Variants in ZBTB11 observed in about 807,000 individuals in gnomAD.
ZBTB11 encodes zinc finger and BTB domain-containing protein 11.
A neutral mutation model predicts 113.1 loss-of-function variants in ZBTB11; 68 were observed. The ratio of observed to expected loss-of-function variants is 0.60; its 90% confidence interval spans 0.49 to 0.74. The LOEUF (loss-of-function observed/expected upper bound fraction) is 0.74, where lower values mean the gene tolerates loss of function less well. Among genes scored for constraint, ZBTB11 ranks in the 30% least tolerant of loss-of-function variants. ZBTB11 has a pLI of 0.00. For synonymous variants in ZBTB11, 518 were observed against 452.6 expected (o/e 1.14, Z -1.83); for missense variants, 1,104 against 1,279.4 (o/e 0.86, Z 2.09).
At chr3:101,670,827 T>C (rs921666974) in intron 3 of ZBTB11, 2 of 283,480 alleles carry the variant, frequency 7.1e-6, no homozygotes, top group African/African-American at 4.3e-5. Context: ...ACATATTCAT[T>C]TAATGTAATA....
In ZBTB11 at chr3:101,676,374, C is replaced by T. The variant is rs564574987; in HGVS notation, c.310+231G>A. ...CGGCTGGCCCGGCCTCCGGGGAAGC[C>T]CCCTTGGTCCCACCCAGGGCCAGGG... On this transcript the variant is annotated intron_variant, in intron 1 of 10. Coordinates refer to ENST00000312938, the MANE Select transcript of ZBTB11 (RefSeq NM_014415.4). 6.5e-4 allele frequency: 270 copies of T among 415,474 alleles called. 3 individuals are homozygous for T. The South Asian group carries it at 0.025, about 38-fold the overall frequency. 25.7% of individuals were successfully genotyped at this position (415,474 alleles called of 1,614,324 possible).
rs150207556 is a variant in ZBTB11, at chr3:101,651,308, G to A, written c.3020C>T (p.Ser1007Leu). Reference protein sequence around the residue: ...EAVAATEEYPSVSTLSDQSIM... With the variant: ...EAVAATEEYPLVSTLSDQSIM... The stretch of plus-strand genomic sequence containing the variant: ...ACTTTGGTCAGAAAGTGTAGATACC[G>A]ATGGATACTCTTCAGTAGCTGCAAC... The change falls in exon 11 of 11, where the codon TCG (serine) becomes TTG (leucine). Residue 1007 changes from serine to leucine, a missense_variant. By Grantham distance (145) the Ser-to-Leu change is moderately radical. Coordinates refer to ENST00000312938, the MANE Select transcript of ZBTB11 (RefSeq NM_014415.4). The A allele has an allele frequency of 6.8e-6, 11 of 1,614,000 alleles. No homozygotes were observed. In the South Asian group the frequency reaches 8.8e-5, roughly 13 times the overall value.
rs968854796 is a variant in ZBTB11 at position 101,665,387 on chromosome 3, T to G, written c.1200A>C (p.Gly400=). 6.2e-7 allele frequency: 1 copy of G among 1,614,202 alleles called. No homozygotes were observed. Residue 400 remains glycine, a synonymous_variant, in exon 4 of 11, where the codon GGA becomes GGC. Coordinates refer to ENST00000312938, the MANE Select transcript of ZBTB11 (RefSeq NM_014415.4). ...SEAESALSSV[G]CIADSHPEME... ...TTTCAGGATGGGAATCAGCTATACA[T>G]CCTACTGATGACAGGGCAGATTCAG...
At chr3:101,664,421 G>C in intron 5 of ZBTB11, 117 bp downstream of exon 5, 1 of 990,164 alleles carries the variant, frequency 1.0e-6, no homozygotes, top group Non-Finnish European at 1.4e-6. Flanking sequence ...TAAATAAGAA[G>C]ATGACTCTTA....
intron 5 of ZBTB11, among the ~76,000 whole-genome samples, chr3:101,664,142 T>C (rs1384148565): frequency 6.6e-6 from 1 of 152,210 alleles, no homozygotes; most frequent in East Asian, 1.9e-4. Context: ...TGAGACATTT[T>C]GGTGGTTCTA....
rs1009906532 is a variant in ZBTB11, at chr3:101,677,079, G to A, written c.-165C>T. Reference sequence around the variant, plus strand: ...CTTAGTCCGAAGGAAAAGCGGGCGAGTTGGTAACCAGGGGGAACTGCACTT... The same window carrying A: ...CTTAGTCCGAAGGAAAAGCGGGCGAATTGGTAACCAGGGGGAACTGCACTT... On this transcript the variant is annotated 5_prime_UTR_variant, in exon 1 of 11. Transcript: ENST00000312938. 3 of 766,030 alleles carry A rather than the reference G, an allele frequency of 3.9e-6. No individual in the cohort carries two copies. The highest frequency in any genetic ancestry group is 5.9e-6 in the Non-Finnish European group (3 of 508,174). The allele number at this position is 766,030 out of a possible 1,614,324, so 47.5% of individuals were successfully genotyped here.
rs767249685 is a variant in ZBTB11, at chr3:101,676,887, T to C, written c.28A>G (p.Ile10Val). ...CGCTCGTTCGTCAGGTAACGCAGGA[T>C]GGCCCGGTAGCTTTCCTCGCTTGAC... MSSEESYRA[I>V]LRYLTNEREP... The change falls in exon 1 of 11, where the codon ATC becomes GTC. Residue 10 changes from isoleucine (I) to valine (V), a missense_variant. Physicochemically the swap from Ile to Val is conservative, Grantham distance 29. This residue lies in a region of ZBTB11 where 245 missense variants were observed against 272.5 expected (regional missense o/e 0.90). Coordinates refer to ENST00000312938, the MANE Select transcript of ZBTB11 (RefSeq NM_014415.4). The C allele has an allele frequency of 1.9e-6, 3 of 1,596,472 alleles. No individual in the cohort carries two copies. Among genetic ancestry groups the C allele is most frequent in the Non-Finnish European group, 2.6e-6 (3 of 1,169,356 alleles).
chr3:101,654,413 G>A (rs554079310), intron 8 of ZBTB11, among the ~76,000 whole-genome samples: 3 of 152,142 alleles, frequency 2.0e-5, no homozygotes, highest in Admixed American at 1.3e-4. Flanking sequence ...TCTGGAAAAT[G>A]AAGAAGAGGG....
chr3:101,669,308 G>A (rs1937047917), intron 3 of ZBTB11, among the ~76,000 whole-genome samples: 1 of 152,232 alleles, frequency 6.6e-6, no homozygotes, highest in Admixed American at 6.5e-5. Flanking sequence ...TTACTGGCGT[G>A]AGCCACTGTG....
chr3:101,655,111 T>A lies in ZBTB11; in HGVS notation c.2192-290A>T, dbSNP rs183395768. On this transcript the variant is annotated intron_variant, in intron 7 of 10. Coordinates refer to ENST00000312938, the MANE Select transcript of ZBTB11 (RefSeq NM_014415.4). Reference sequence around the variant, plus strand: ...CAGGAGCGTCTCGATGTCATGACCTTGTGATCTACCCGCCTTGGCCTCTCA... The same window carrying A: ...CAGGAGCGTCTCGATGTCATGACCTAGTGATCTACCCGCCTTGGCCTCTCA... 8.9e-4 allele frequency among the ~76,000 whole-genome samples: 136 copies of A among 152,186 alleles called. 1 individual carries two copies. Among genetic ancestry groups the A allele is most frequent in the African/African-American group, 2.9e-3 (120 of 41,510 alleles).
intron 1 of ZBTB11, 94 bp downstream of exon 1, chr3:101,676,511 C>T (rs1937176662): frequency 9.1e-6 from 12 of 1,311,666 alleles, no homozygotes; most frequent in African/African-American, 3.1e-5. Context: ...GCGTCCGAGA[C>T]CCTCCGACTC....
At chr3:101,655,931 G>T (rs1265794502) in intron 7 of ZBTB11, 173 bp downstream of exon 7, 1 of 379,002 alleles carries the variant, frequency 2.6e-6, no homozygotes, top group African/African-American at 2.1e-5. Context: ...AAGTGCTGGG[G>T]ATTACAGGCG....
At chr3:101,663,303 C>T (rs7633334) in intron 5 of ZBTB11, among the ~76,000 whole-genome samples, 50,089 of 151,934 alleles carry the variant, frequency 0.33, 8,798 homozygotes, top group Middle Eastern at 0.48. Flanking sequence ...AAATCTTGAG[C>T]TCAAGCAATC....
intron 3 of ZBTB11, chr3:101,670,518 T>C (rs554718079): frequency 7.9e-5 from 12 of 152,354 alleles, no homozygotes; most frequent in Non-Finnish European, 1.5e-4. Context: ...AATTTGATTA[T>C]TGAACTTAAT....
At position 101,665,140 on chromosome 3, in the gene ZBTB11, C is replaced by G; in HGVS notation, c.1447G>C (p.Asp483His). The stretch of plus-strand genomic sequence containing the variant: ...GTTGATGCAACTAGATTTTCCTGAT[C>G]TTTTAAAGGTTGGTCAACTTTCTGC... The part of the protein sequence containing the change: ...HRQKVDQPLK[D>H]QENLVASTAK... Residue 483 changes from aspartate (D) to histidine (H), a missense_variant, in exon 4 of 11, where the codon GAT (aspartate) becomes CAT (histidine). This residue lies in a region of ZBTB11 where 535 missense variants were observed against 518.6 expected (regional missense o/e 1.03). Coordinates refer to ENST00000312938, the MANE Select transcript of ZBTB11 (RefSeq NM_014415.4). 1 of 1,614,166 alleles carries G rather than the reference C, an allele frequency of 6.2e-7. No individual in the cohort carries two copies. The highest frequency in any genetic ancestry group is 8.5e-7 in the Non-Finnish European group (1 of 1,180,028).
At chr3:101,675,404 T>A (rs1048496876) in intron 1 of ZBTB11, among the ~76,000 whole-genome samples, 1 of 152,276 alleles carries the variant, frequency 6.6e-6, no homozygotes, top group African/African-American at 2.4e-5. Context: ...AACTTGATGA[T>A]GTTTATAAAC....
rs749378109 is a variant in ZBTB11 at position 101,664,734 on chromosome 3, A to T, written c.1624-20T>A. On this transcript the variant is annotated intron_variant, in intron 4 of 10. Coordinates refer to ENST00000312938, the MANE Select transcript of ZBTB11 (RefSeq NM_014415.4). ...AGCCACCTAGTAAGGGATAGAAATC[A>T]CAATCTAAGTAAATCTACTCAATTT... is the stretch of plus-strand genomic sequence containing the variant. 6.4e-7 allele frequency: 1 copy of T among 1,568,074 alleles called. No individual in the cohort carries two copies. Among genetic ancestry groups the T allele is most frequent in the East Asian group, 2.2e-5 (1 of 44,520 alleles).
chr3:101,650,932 T>C lies in ZBTB11; in HGVS notation c.*234A>G. 1 of 354,396 alleles carries C rather than the reference T, an allele frequency of 2.8e-6. No individual in the cohort carries two copies. The highest frequency in any genetic ancestry group is 5.1e-6 in the Non-Finnish European group (1 of 196,688). The allele number at this position is 354,396 out of a possible 1,614,324, so 22.0% of individuals were successfully genotyped here. On this transcript the variant is annotated 3_prime_UTR_variant, in exon 11 of 11. Coordinates refer to ENST00000312938, the MANE Select transcript of ZBTB11 (RefSeq NM_014415.4). ...AAACCACTGCCATCAAATATTAGGTTGGTGCAAAAGCAATTGCACCAACCT... is the reference window on the plus strand; with the variant it reads ...AAACCACTGCCATCAAATATTAGGTCGGTGCAAAAGCAATTGCACCAACCT...
At chr3:101,669,535 A>G (rs922430669) in intron 3 of ZBTB11, among the ~76,000 whole-genome samples, 2 of 152,234 alleles carry the variant, frequency 1.3e-5, no homozygotes, top group African/African-American at 2.4e-5. Flanking sequence ...GAAACCAGAA[A>G]AGAGCAACAC....
Sources: allele counts gnomAD v4.1 joint callset (sites outside exome capture counted in the v4.1 genomes callset), GRCh38; gene constraint gnomAD v4.1.1; regional missense constraint gnomAD v4.1.1; transcripts MANE v1.5; gene names NCBI Gene and HGNC (gene_info 2026-07-23, HGNC 2026-07-21).